MCM5: variants seen among roughly 807,000 people sequenced by gnomAD.
MCM5 encodes the protein minichromosome maintenance complex component 5.
MCM5 carries 46 observed loss-of-function variants against 79.9 expected under a neutral mutation model. That is an observed-to-expected ratio of 0.58 (90% CI 0.45 to 0.74). The LOEUF is 0.74. Among genes scored for constraint, MCM5 ranks in the 30% least tolerant of loss-of-function variants. MCM5 has a pLI of 0.00. For missense variants in MCM5, 883 were observed against 1,017.0 expected, an observed-to-expected ratio of 0.87 and a Z score of 1.79; for synonymous variants, 404 against 390.5, an observed-to-expected ratio of 1.03 and a Z score of -0.41.
the MCM5 span, among the ~76,000 whole-genome samples, chr22:35,442,734 A>G: frequency 7.2e-4 from 109 of 152,234 alleles, 1 homozygote; most frequent in South Asian, 0.022. Flanking sequence ...TCCCCAAATA[A>G]TCTCCCCATC....
chr22:35,434,333 A>T, the MCM5 span, among the ~76,000 whole-genome samples: 1 of 151,862 alleles, frequency 6.6e-6, no homozygotes, highest in African/African-American at 2.4e-5. Context: ...CTGATGATAC[A>T]TCTTCTACAC....
At position 35,403,126 on chromosome 22, in the gene MCM5, G is replaced by A; in HGVS notation, c.168-81G>A. ...GTGGCTGTGGTGTGGGCAGATTCAG[G>A]GGTGCAGGCACACCTCAGCCAGTGT... is the stretch of plus-strand genomic sequence containing the variant. On this transcript the variant is annotated intron_variant, in intron 2 of 16. Transcript: ENST00000216122. 1.9e-6 allele frequency: 3 copies of A among 1,551,004 alleles called. No homozygotes were observed. In the South Asian group the frequency reaches 3.5e-5, roughly 18 times the overall value.
At chr22:35,423,089 T>G in intron 15 of MCM5, 125 bp from the exon 16 acceptor site, 1 of 1,045,252 alleles carries the variant, frequency 9.6e-7, no homozygotes, top group Non-Finnish European at 1.4e-6. Flanking sequence ...GCACACTCGG[T>G]GCCCTTTTCT....
chr22:35,410,557 G>A, intron 6 of MCM5, 187 bp from the exon 7 acceptor site: 1 of 618,664 alleles, frequency 1.6e-6, no homozygotes, highest in South Asian at 1.7e-5. Flanking sequence ...AGCTGAGCAT[G>A]GGCTGAGTGA....
chr22:35,433,412 CA>C, the MCM5 span, among the ~76,000 whole-genome samples: 1 of 152,212 alleles, frequency 6.6e-6, no homozygotes, highest in Non-Finnish European at 1.5e-5. Flanking sequence ...GACCACAGCT[CA>C]GAGAGGGCAT....
rs1209036260 is a variant in MCM5, at chr22:35,410,916, TTG to T, written c.919+7_919+8del. ...GGTGGACACAGATGGCTCTGGTGAG[TTG>T]GCTTTGGGGTCCTGGCTTAGCCCTG... is the stretch of plus-strand genomic sequence containing the variant. On this transcript the variant is annotated splice_region_variant and intron_variant, in intron 7 of 16. Transcript: ENST00000216122. 1.5e-5 allele frequency: 24 copies of T among 1,588,056 alleles called. No homozygotes were observed. Among genetic ancestry groups the T allele is most frequent in the Non-Finnish European group, 2.0e-5 (23 of 1,164,144 alleles).
chr22:35,422,452 T>C (rs1283916555), intron 15 of MCM5: 1 of 152,150 alleles, frequency 6.6e-6, no homozygotes, highest in East Asian at 1.9e-4. Flanking sequence ...TGCATTTGAA[T>C]GGGGAGGCAC....
At chr22:35,428,576 G>T (rs879851175), downstream of MCM5, among the ~76,000 whole-genome samples, 1 of 151,902 alleles carries the variant, frequency 6.6e-6, no homozygotes, top group African/African-American at 2.4e-5. Context: ...TTTTACATAC[G>T]TAAAAAACCT....
chr22:35,426,233 C>A (rs151147426), downstream of MCM5, among the ~76,000 whole-genome samples: 1 of 152,138 alleles, frequency 6.6e-6, no homozygotes, highest in African/African-American at 2.4e-5. Flanking sequence ...CCTTCCAGAT[C>A]GGGGCAGCAG....
Position 35,406,827 on chromosome 22 carries a change from C to T in MCM5, c.596+102C>T, listed in dbSNP as rs1323877996. ...CTGCCTGCAGCTGCTTCTAGAGATC[C>T]ACTGGGATGGGCTGGGCAGGGGTGT... is the stretch of plus-strand genomic sequence containing the variant. On this transcript the variant is annotated intron_variant, in intron 5 of 16. Transcript: ENST00000216122. The T allele has an allele frequency of 1.3e-5, 17 of 1,270,372 alleles. No homozygotes were observed. The East Asian group carries it at 4.1e-4, about 30-fold the overall frequency. The allele number at this position is 1,270,372 out of a possible 1,614,324, so 78.7% of individuals were successfully genotyped here.
chr22:35,409,302 G>C (rs547860899), intron 6 of MCM5, among the ~76,000 whole-genome samples: 1 of 152,210 alleles, frequency 6.6e-6, no homozygotes, highest in African/African-American at 2.4e-5. Flanking sequence ...GAACAGCCAC[G>C]GTGGCTCATG....
chr22:35,406,293 G>GCCCCC (rs751051553), intron 4 of MCM5, among the ~76,000 whole-genome samples: 62 of 89,754 alleles, frequency 6.9e-4, no homozygotes, highest in Non-Finnish European at 8.8e-4. Flanking sequence ...CTCTTGCCCT[G>GCCCCC]CCACCTCCCC....
At chr22:35,409,437 T>C (rs1429324210) in intron 6 of MCM5, 5 of 152,146 alleles carry the variant, frequency 3.3e-5, no homozygotes, top group Non-Finnish European at 7.4e-5. Flanking sequence ...AGCTGGGTGT[T>C]GGGGCAGACA....
At chr22:35,434,044 C>T in the MCM5 span, among the ~76,000 whole-genome samples, 1 of 152,186 alleles carries the variant, frequency 6.6e-6, no homozygotes, top group Non-Finnish European at 1.5e-5. Flanking sequence ...AACTGAGTTT[C>T]GTGGGGAGAG....
chr22:35,403,845 G>T (rs1932134717), intron 4 of MCM5, among the ~76,000 whole-genome samples: 1 of 151,980 alleles, frequency 6.6e-6, no homozygotes. Flanking sequence ...TTCATGCACA[G>T]TGGCTCATGC....
At chr22:35,445,912 C>T in the MCM5 span, among the ~76,000 whole-genome samples, 2 of 152,346 alleles carry the variant, frequency 1.3e-5, no homozygotes, top group African/African-American at 2.4e-5. Flanking sequence ...GGAGTGACCT[C>T]CCAGATGGTA....
At chr22:35,439,063 TCATCCATCCATC>T in the MCM5 span, among the ~76,000 whole-genome samples, 2 of 108,394 alleles carry the variant, frequency 1.8e-5, no homozygotes, top group African/African-American at 3.6e-5. Context: ...ACCCACATAT[TCATCCATCCATC>T]CATCCATCCA....
intron 13 of MCM5, among the ~76,000 whole-genome samples, chr22:35,419,443 G>A (rs1209932731): frequency 1.3e-5 from 2 of 152,214 alleles, no homozygotes; most frequent in African/African-American, 4.8e-5. Context: ...TCCTGTGGGT[G>A]TCATCAGCTT....
At chr22:35,406,495 A>G in intron 4 of MCM5, 58 bp from the exon 5 acceptor site, 1 of 1,515,234 alleles carries the variant, frequency 6.6e-7, no homozygotes, top group Non-Finnish European at 9.1e-7. Context: ...TTACTGGCAT[A>G]TCTCAGATGC....
Sources: allele counts gnomAD v4.1 joint callset (sites outside exome capture counted in the v4.1 genomes callset), GRCh38; gene constraint gnomAD v4.1.1; transcripts MANE v1.5; gene names NCBI Gene and HGNC (gene_info 2026-07-23, HGNC 2026-07-21).